Variants in ATP6V0A2 observed in about 807,000 individuals in gnomAD.
ATP6V0A2 encodes the protein ATPase H+ transporting V0 subunit a2, also known as V-type proton ATPase 116 kDa subunit a 2.
ATP6V0A2 carries 58 observed loss-of-function variants against 104.4 expected under a neutral mutation model. The observed-to-expected ratio is 0.56, with a 90% CI of 0.45 to 0.69. ATP6V0A2 has a LOEUF of 0.69. ATP6V0A2 is among the 30% of genes least tolerant of loss of function. ATP6V0A2 has a pLI of 0.00. For synonymous variants in ATP6V0A2, 376 were observed against 397.9 expected, an observed-to-expected ratio of 0.95 and a Z score of 0.65; for missense variants, 938 against 1,062.9, an observed-to-expected ratio of 0.88 and a Z score of 1.63.
intron 7 of ATP6V0A2, among the ~76,000 whole-genome samples, chr12:123,735,188 CTG>C (rs1249432513): frequency 6.7e-6 from 1 of 149,236 alleles, no homozygotes; most frequent in African/African-American, 2.5e-5. Context: ...TGTTGTGTGT[CTG>C]TGTGTGTCTT....
Position 123,744,546 on chromosome 12 carries a change from A to G in ATP6V0A2, c.1327-51A>G, listed in dbSNP as rs1301377763. On this transcript the variant is annotated intron_variant, in intron 11 of 19. Transcript: ENST00000330342. The surrounding 1 kb of genome is among the most constrained non-coding windows in gnomAD (Gnocchi z 5.4). The stretch of plus-strand genomic sequence containing the variant: ...GGTCGTGCCCACACCGACAGCTGTC[A>G]CATGGACACCCTCCAGTAACCATAT... 6.2e-7 allele frequency: 1 copy of G among 1,609,644 alleles called. No individual in the cohort carries two copies. The highest frequency in any genetic ancestry group is 1.7e-5 in the Admixed American group (1 of 60,026).
chr12:123,752,111 C>T (rs947258153), intron 16 of ATP6V0A2, among the ~76,000 whole-genome samples, 172 bp from the exon 17 acceptor site: 6 of 152,174 alleles, frequency 3.9e-5, no homozygotes, highest in Non-Finnish European at 8.8e-5. Context: ...TCACCTGCCT[C>T]GGCTTCCCAA....
chr12:123,728,047 A>G (rs1482626063), intron 6 of ATP6V0A2, 138 bp downstream of exon 6: 79 of 1,085,326 alleles, frequency 7.3e-5, no homozygotes, highest in Non-Finnish European at 1.1e-4. Context: ...AACCACGTGT[A>G]GTGTGTATAG....
chr12:123,757,843 ATT>A, intron 19 of ATP6V0A2, 82 bp from the exon 20 acceptor site: 10 of 742,868 alleles, frequency 1.3e-5, no homozygotes, highest in South Asian at 2.0e-5. Flanking sequence ...CAGCACAGGA[ATT>A]TTTTTTTTTA....
At chr12:123,751,992 G>A (rs962258533) in intron 16 of ATP6V0A2, among the ~76,000 whole-genome samples, 1 of 151,578 alleles carries the variant, frequency 6.6e-6, no homozygotes, top group Non-Finnish European at 1.5e-5. Flanking sequence ...CTCAAATAGG[G>A]GGACTACAGG....
intron 6 of ATP6V0A2, among the ~76,000 whole-genome samples, chr12:123,728,196 A>T (rs1369520713): frequency 2.6e-5 from 4 of 152,182 alleles, no homozygotes; most frequent in Non-Finnish European, 5.9e-5. Context: ...CAAAGCAAAG[A>T]ATGTAATTTA....
At chr12:123,724,864 CTG>C in intron 4 of ATP6V0A2, 73 bp downstream of exon 4, 1 of 1,350,832 alleles carries the variant, frequency 7.4e-7, no homozygotes, top group Non-Finnish European at 1.1e-6. Flanking sequence ...TTCCCATAGG[CTG>C]TGTATTTTGC....
At chr12:123,751,023 C>T (rs559975830) in intron 15 of ATP6V0A2, 87 bp from the exon 16 acceptor site, 11 of 1,568,210 alleles carry the variant, frequency 7.0e-6, no homozygotes, top group Admixed American at 6.7e-5. Flanking sequence ...AGACATTGTT[C>T]GATCTTTCCT....
At position 123,748,677 on chromosome 12, in the gene ATP6V0A2, G is replaced by A. The variant is rs2135914575; in HGVS notation, c.1827G>A (p.Trp609Ter). 6.2e-7 allele frequency: 1 copy of A among 1,613,964 alleles called. No individual in the cohort carries two copies. Among genetic ancestry groups the A allele is most frequent in the Non-Finnish European group, 8.5e-7 (1 of 1,179,922 alleles). ...TTATATTTATGATTTTCTACAAGTG[G>A]CTGGTTTTTTCAGCAGAAACCTCCA... is the stretch of plus-strand genomic sequence containing the variant. ...GYLIFMIFYK[W>*]LVFSAETSRV... Residue 609 changes from tryptophan to a stop codon, truncating the protein, a stop_gained, in exon 15 of 20, where the codon TGG (tryptophan) becomes TGA (stop). Coordinates refer to ENST00000330342, the MANE Select transcript of ATP6V0A2 (RefSeq NM_012463.4). LOFTEE classifies it high-confidence loss of function.
chr12:123,743,139 A>G (rs1956625160), intron 9 of ATP6V0A2, among the ~76,000 whole-genome samples: 1 of 151,760 alleles, frequency 6.6e-6, no homozygotes, highest in African/African-American at 2.4e-5. Flanking sequence ...GACTGAGCCG[A>G]CTCCATACCC....
chr12:123,721,933 C>T (rs186306311), intron 2 of ATP6V0A2, among the ~76,000 whole-genome samples: 63 of 152,342 alleles, frequency 4.1e-4, no homozygotes, highest in South Asian at 1.7e-3. Flanking sequence ...AGGTCTATCA[C>T]TTGGGTAATT....
Position 123,712,465 on chromosome 12 carries a change from G to A in ATP6V0A2, c.-101G>A, listed in dbSNP as rs996137575. The A allele has an allele frequency of 1.6e-5, 11 of 697,464 alleles. No individual in the cohort carries two copies. The highest frequency in any genetic ancestry group is 2.2e-5 in the Non-Finnish European group (10 of 463,998). The allele number at this position is 697,464 out of a possible 1,614,324, so 43.2% of individuals were successfully genotyped here. On this transcript the variant is annotated 5_prime_UTR_variant, in exon 1 of 20. Coordinates refer to ENST00000330342, the MANE Select transcript of ATP6V0A2 (RefSeq NM_012463.4). ...GTGCGGGGCCGCGGCCAGGCCACAGGAAGAGCTCGAGGCCCGGGCCGCACC... is the reference window on the plus strand; with the variant it reads ...GTGCGGGGCCGCGGCCAGGCCACAGAAAGAGCTCGAGGCCCGGGCCGCACC...
chr12:123,722,506 C>A, intron 3 of ATP6V0A2, 58 bp downstream of exon 3: 2 of 978,874 alleles, frequency 2.0e-6, no homozygotes, highest in Non-Finnish European at 3.3e-6. Flanking sequence ...TGCTTACTTA[C>A]TTATTTCATG....
rs1272317923 is a variant in ATP6V0A2 at position 123,730,894 on chromosome 12, A to T, written c.648+2985A>T. 2.6e-5 allele frequency: 4 copies of T among 152,090 alleles called. 1 individual carries two copies. The highest frequency in any genetic ancestry group is 4.8e-5 in the African/African-American group (2 of 41,410). The allele number at this position is 152,090 out of a possible 1,614,324, so 9.4% of individuals were successfully genotyped here. A position where few individuals can be genotyped will look rare whatever the true frequency, so the allele number is the denominator to read the frequency against. On this transcript the variant is annotated intron_variant, in intron 6 of 19. Coordinates refer to ENST00000330342, the MANE Select transcript of ATP6V0A2 (RefSeq NM_012463.4). Reference sequence around the variant, plus strand: ...GCTAATTTTTGTATTTTTAATGGAGACGGGATTTTACCATGTTGGCTAGGC... The same window carrying T: ...GCTAATTTTTGTATTTTTAATGGAGTCGGGATTTTACCATGTTGGCTAGGC...
chr12:123,727,425 C>T (rs1593893594), intron 5 of ATP6V0A2, among the ~76,000 whole-genome samples: 1 of 151,912 alleles, frequency 6.6e-6, no homozygotes, highest in Non-Finnish European at 1.5e-5. Flanking sequence ...ATTATGGGTG[C>T]CTGCCACCAC....
intron 6 of ATP6V0A2, among the ~76,000 whole-genome samples, chr12:123,729,010 T>A (rs1956475200): frequency 6.6e-6 from 1 of 152,260 alleles, no homozygotes; most frequent in African/African-American, 2.4e-5. Context: ...TTAAGGCACT[T>A]CTCTTTAGAC....
At chr12:123,713,799 G>C (rs1956314963) in intron 1 of ATP6V0A2, among the ~76,000 whole-genome samples, 1 of 152,172 alleles carries the variant, frequency 6.6e-6, no homozygotes, top group Admixed American at 6.6e-5. Context: ...TTCATCTCCT[G>C]ACTGTTTCCC....
intron 17 of ATP6V0A2, among the ~76,000 whole-genome samples, chr12:123,752,687 T>C (rs1190041321): frequency 6.6e-6 from 1 of 152,198 alleles, no homozygotes; most frequent in Admixed American, 6.5e-5. Flanking sequence ...GAACATTGCT[T>C]TCAGAAGCTT....
At position 123,735,489 on chromosome 12, in the gene ATP6V0A2, G is replaced by A. The variant is rs1209615533; in HGVS notation, c.732-42G>A. The A allele has an allele frequency of 1.9e-6, 3 of 1,569,472 alleles. No individual in the cohort carries two copies. In the Admixed American group the frequency reaches 5.0e-5, roughly 26 times the overall value. On this transcript the variant is annotated intron_variant, in intron 7 of 19. Coordinates refer to ENST00000330342, the MANE Select transcript of ATP6V0A2 (RefSeq NM_012463.4). ...GGGGAGGTGAACGTGTTTAGTTCTAGTGCTGACAGATGTGAGACTGTGTTC... is the reference window on the plus strand; with the variant it reads ...GGGGAGGTGAACGTGTTTAGTTCTAATGCTGACAGATGTGAGACTGTGTTC...
Sources: gnomAD v4.1 joint callset for allele counts (sites outside exome capture counted in the v4.1 genomes callset) on GRCh38, gnomAD v4.1.1 for gene constraint, Gnocchi (gnomAD v3.1) non-coding constraint, MANE v1.5 for transcripts, NCBI Gene and HGNC (gene_info 2026-07-23, HGNC 2026-07-21) for gene names.